The following AFF1 variants were observed in gnomAD, a reference collection of about 807,000 sequenced individuals.
The protein encoded by AFF1 is AF4/FMR2 family member 1.
AFF1 carries 48 observed loss-of-function variants against 121.7 expected under a neutral mutation model. The ratio of observed to expected loss-of-function variants is 0.39; its 90% CI spans 0.31 to 0.50. The LOEUF (loss-of-function observed/expected upper bound fraction) is 0.50, where lower values mean the gene tolerates loss of function less well. Among genes scored for constraint, AFF1 ranks in the 20% least tolerant of loss-of-function variants. The pLI is 0.76. For synonymous variants in AFF1, 613 were observed against 563.0 expected (o/e 1.09, Z -1.26); for missense variants, 1,523 against 1,511.7 (o/e 1.01, Z -0.12).
intron 2 of AFF1, among the ~76,000 whole-genome samples, chr4:86,987,032 T>C (rs1343438775): frequency 6.6e-6 from 1 of 151,520 alleles, no homozygotes; most frequent in African/African-American, 2.4e-5. Flanking sequence ...TTTGTAGAGA[T>C]GGGGGTCTTG....
chr4:87,006,010 C>T (rs1464904083), intron 2 of AFF1, among the ~76,000 whole-genome samples: 1 of 152,198 alleles, frequency 6.6e-6, no homozygotes, highest in Non-Finnish European at 1.5e-5. Flanking sequence ...TGGGGACTCC[C>T]AGGAATCTAG....
At chr4:87,045,631 A>G (rs1055104103) in intron 2 of AFF1, among the ~76,000 whole-genome samples, 1 of 152,128 alleles carries the variant, frequency 6.6e-6, no homozygotes, top group African/African-American at 2.4e-5. Flanking sequence ...TTACATGCCA[A>G]GACACTCCCA....
chr4:87,052,610 G>C (rs1003394534), intron 4 of AFF1, among the ~76,000 whole-genome samples: 1 of 152,114 alleles, frequency 6.6e-6, no homozygotes, highest in African/African-American at 2.4e-5. Flanking sequence ...TTGAGCAGGG[G>C]AGGGACATAT....
At chr4:86,997,407 T>C (rs1279876345) in intron 2 of AFF1, among the ~76,000 whole-genome samples, 1 of 152,190 alleles carries the variant, frequency 6.6e-6, no homozygotes, top group African/African-American at 2.4e-5. Flanking sequence ...TTACCCAGTT[T>C]CAGGTATTCT....
intron 12 of AFF1, among the ~76,000 whole-genome samples, chr4:87,116,351 TTC>T (rs139766926): frequency 0.02 from 3,045 of 152,300 alleles, 109 homozygotes; most frequent in African/African-American, 0.07. Flanking sequence ...TGAGTTCCTG[TTC>T]TGTTTGTTGC....
chr4:86,975,548 G>A (rs1163122807), intron 2 of AFF1, among the ~76,000 whole-genome samples: 1 of 152,182 alleles, frequency 6.6e-6, no homozygotes, highest in African/African-American at 2.4e-5. Context: ...ACTGTGCTCA[G>A]TCTTCCACCT....
intron 2 of AFF1, among the ~76,000 whole-genome samples, chr4:86,970,550 AG>A (rs1722871089): frequency 6.6e-6 from 1 of 152,184 alleles, no homozygotes. Context: ...AACAAGACAA[AG>A]GAGATCCTGC....
rs150301278 is a variant in AFF1 at position 86,981,052 on chromosome 4, G to A, written c.38+32481G>A. On this transcript the variant is annotated intron_variant, in intron 2 of 20. Transcript: ENST00000395146. Reference sequence around the variant, plus strand: ...TTTTGAGACGGGGTCTCGCTCTGTCGCCCAGGCTGGAGTGCAGTGGCACAA... The same window carrying A: ...TTTTGAGACGGGGTCTCGCTCTGTCACCCAGGCTGGAGTGCAGTGGCACAA... Among the ~76,000 whole-genome samples the A allele has an allele frequency of 5.0e-3, 755 of 150,880 alleles. 5 individuals carry two copies. Among genetic ancestry groups the A allele is most frequent in the African/African-American group, 0.017 (691 of 41,146 alleles).
Position 86,976,803 on chromosome 4 carries a change from C to A in AFF1, c.38+28232C>A, listed in dbSNP as rs529249230. 7.9e-4 allele frequency among the ~76,000 whole-genome samples: 121 copies of A among 152,276 alleles called. 2 individuals are homozygous for A. The South Asian group carries it at 0.024, about 31-fold the overall frequency. Reference sequence around the variant, plus strand: ...TGGGCTCTGGAGCCAGAACTGGGTGCCTACCTCGGTGTCTCACATGCCCAT... The same window carrying A: ...TGGGCTCTGGAGCCAGAACTGGGTGACTACCTCGGTGTCTCACATGCCCAT... On this transcript the variant is annotated intron_variant, in intron 2 of 20. Transcript: ENST00000395146.
intron 2 of AFF1, among the ~76,000 whole-genome samples, chr4:86,970,641 A>T (rs1722877512): frequency 6.6e-6 from 1 of 152,230 alleles, no homozygotes. Flanking sequence ...TATCAGGGTT[A>T]TAAAGCAGGT....
intron 5 of AFF1, among the ~76,000 whole-genome samples, chr4:87,088,568 C>T (rs1019917558): frequency 3.3e-5 from 5 of 151,884 alleles, no homozygotes; most frequent in African/African-American, 1.2e-4. Context: ...ATATAGCATG[C>T]TGTGGGGTCG....
intron 4 of AFF1, among the ~76,000 whole-genome samples, chr4:87,076,723 TAAAA>T (rs1000950653): frequency 1.3e-5 from 2 of 152,224 alleles, no homozygotes; most frequent in Non-Finnish European, 2.9e-5. Context: ...TCCAGTGATT[TAAAA>T]AAATGTTTAT....
Position 87,091,812 on chromosome 4 carries a change from C to G in AFF1, c.1211C>G (p.Ser404Cys). 1 of 1,559,962 alleles carries G rather than the reference C, an allele frequency of 6.4e-7. No individual in the cohort carries two copies. The highest frequency in any genetic ancestry group is 8.7e-7 in the Non-Finnish European group (1 of 1,154,068). The change falls in exon 7 of 21, where the codon TCT becomes TGT. Residue 404 changes from serine (S) to cysteine (C), a missense_variant. Transcript: ENST00000395146. ...TTCTAGGACTCTCAGCATGTCAGTTCTGTAACCCAAAACCAAAGTAAGTAA... is the reference window on the plus strand; with the variant it reads ...TTCTAGGACTCTCAGCATGTCAGTTGTGTAACCCAAAACCAAAGTAAGTAA... ...FPTKDSQHVSSVTQNQKQYDT... is the reference protein window; with the variant it reads ...FPTKDSQHVSCVTQNQKQYDT...
At chr4:87,066,966 AAG>A (rs1437907081) in intron 4 of AFF1, among the ~76,000 whole-genome samples, 2 of 152,234 alleles carry the variant, frequency 1.3e-5, no homozygotes, top group Non-Finnish European at 2.9e-5. Context: ...TTCAGAGCTG[AAG>A]AGTCTGCAGC....
At chr4:87,018,940 A>G (rs753666689) in intron 2 of AFF1, among the ~76,000 whole-genome samples, 12 of 152,238 alleles carry the variant, frequency 7.9e-5, no homozygotes, top group Non-Finnish European at 1.2e-4. Context: ...AGTGAGGTAC[A>G]GTTATAAGGA....
chr4:87,022,543 G>GATAGAT (rs1728015126), intron 2 of AFF1, among the ~76,000 whole-genome samples: 1 of 80,182 alleles, frequency 1.2e-5, no homozygotes, highest in African/African-American at 4.2e-5. Context: ...CGTGCTTACA[G>GATAGAT]ATATATATAT....
chr4:87,133,264 T>G (rs956995928), intron 19 of AFF1, among the ~76,000 whole-genome samples: 3 of 152,346 alleles, frequency 2.0e-5, no homozygotes, highest in South Asian at 2.1e-4. Flanking sequence ...TGTACAAGTG[T>G]TTTTAAAGTG....
intron 8 of AFF1, among the ~76,000 whole-genome samples, chr4:87,104,000 A>G (rs1180257251): frequency 2.6e-5 from 4 of 152,120 alleles, no homozygotes; most frequent in African/African-American, 7.2e-5. Flanking sequence ...TTTGTGTATA[A>G]CTCAGCCCAG....
chr4:87,085,851 G>A (rs2149706804), intron 5 of AFF1, among the ~76,000 whole-genome samples: 1 of 151,284 alleles, frequency 6.6e-6, no homozygotes, highest in Non-Finnish European at 1.5e-5. Context: ...CGATTCTTGT[G>A]CCTCAGCCAC....
Sources: allele counts gnomAD v4.1 joint callset (sites outside exome capture counted in the v4.1 genomes callset), GRCh38; gene constraint gnomAD v4.1.1; transcripts MANE v1.5; gene names NCBI Gene and HGNC (gene_info 2026-07-23, HGNC 2026-07-21).